RBMS2: variants seen among roughly 807,000 people sequenced by gnomAD.
RBMS2 encodes RNA binding motif single stranded interacting protein 2.
A neutral mutation model predicts 58.4 loss-of-function variants in RBMS2; 38 were observed. The ratio of observed to expected loss-of-function variants is 0.65; its 90% confidence interval spans 0.50 to 0.85. The LOEUF (loss-of-function observed/expected upper bound fraction) is 0.85. Ranked by LOEUF, RBMS2 falls within the 40% of genes least tolerant of loss-of-function variation. The pLI, the probability that RBMS2 is intolerant of heterozygous loss-of-function variation, is 0.00. For synonymous variants in RBMS2, 151 were observed against 180.7 expected (o/e 0.84, Z 1.32); for missense variants, 367 against 503.7 (o/e 0.73, Z 2.60).
rs1292055711 is a variant in RBMS2, at chr12:56,590,526, G to A, written c.*1393G>A. 2.6e-5 allele frequency: 4 copies of A among 152,194 alleles called. No homozygotes were observed. Among genetic ancestry groups the A allele is most frequent in the African/African-American group, 9.7e-5 (4 of 41,402 alleles). The allele number at this position is 152,194 out of a possible 1,614,324, so 9.4% of individuals were successfully genotyped here. On this transcript the variant is annotated 3_prime_UTR_variant, in exon 14 of 14. Transcript: ENST00000262031. ...CAGGGGTCAATATTGCCAAGACTGG[G>A]AAACACTGATATAGACAGTGTTGTC...
At chr12:56,530,541 G>T (rs1015662206) in intron 1 of RBMS2, among the ~76,000 whole-genome samples, 1 of 150,914 alleles carries the variant, frequency 6.6e-6, no homozygotes, top group Non-Finnish European at 1.5e-5. Flanking sequence ...TTAAATTTTT[G>T]TACAGATGGG....
chr12:56,570,652 A>G (rs964896516), intron 4 of RBMS2, among the ~76,000 whole-genome samples: 3 of 152,108 alleles, frequency 2.0e-5, no homozygotes, highest in South Asian at 2.1e-4. Flanking sequence ...ATCTCGGCTC[A>G]CTGCAAGCTG....
chr12:56,522,156 T>G, intron 1 of RBMS2, 67 bp downstream of exon 1: 2 of 1,283,742 alleles, frequency 1.6e-6, no homozygotes, highest in South Asian at 2.5e-5. Flanking sequence ...TGCCCTTGGT[T>G]TTTACATTCT....
chr12:56,568,235 A>G (rs1469814177), intron 2 of RBMS2, among the ~76,000 whole-genome samples: 1 of 152,176 alleles, frequency 6.6e-6, no homozygotes. Flanking sequence ...AAAAATGTCT[A>G]TAGTTTTTTC....
intron 1 of RBMS2, among the ~76,000 whole-genome samples, chr12:56,539,089 T>C (rs1444934071): frequency 4.0e-5 from 6 of 151,546 alleles, no homozygotes; most frequent in Admixed American, 2.0e-4. Context: ...AATCTCGGCT[T>C]ACTGCAACCT....
intron 2 of RBMS2, among the ~76,000 whole-genome samples, chr12:56,566,408 C>CT (rs1565761905): frequency 6.6e-6 from 1 of 152,142 alleles, no homozygotes; most frequent in Non-Finnish European, 1.5e-5. Flanking sequence ...AATGTAGAGG[C>CT]TTTTTTCTAG....
intron 1 of RBMS2, among the ~76,000 whole-genome samples, chr12:56,558,568 C>T (rs1403852434): frequency 4.2e-4 from 32 of 76,224 alleles, no homozygotes; most frequent in South Asian, 1.9e-3. Flanking sequence ...TTCCTTCCTT[C>T]TTTCCTTCCT....
intron 4 of RBMS2, among the ~76,000 whole-genome samples, chr12:56,571,417 G>A (rs983700025): frequency 1.5e-4 from 23 of 152,156 alleles, no homozygotes; most frequent in Non-Finnish European, 5.9e-5. Flanking sequence ...GGGGAGAGCG[G>A]GAATGCTGCT....
chr12:56,550,265 C>T (rs1878010527), intron 1 of RBMS2, among the ~76,000 whole-genome samples: 1 of 152,164 alleles, frequency 6.6e-6, no homozygotes, highest in Admixed American at 6.5e-5. Flanking sequence ...TGCAGTGGCT[C>T]ATACCTGTAA....
chr12:56,587,984 AT>A (rs1320578564), intron 11 of RBMS2, among the ~76,000 whole-genome samples: 1 of 152,182 alleles, frequency 6.6e-6, no homozygotes, highest in African/African-American at 2.4e-5. Flanking sequence ...GAGGAAGCTC[AT>A]TAGGTTTCTT....
At chr12:56,523,417 C>A (rs535045547) in intron 1 of RBMS2, among the ~76,000 whole-genome samples, 1 of 152,274 alleles carries the variant, frequency 6.6e-6, no homozygotes, top group African/African-American at 2.4e-5. Context: ...CTATAGTAAC[C>A]TTTCTACTAT....
chr12:56,530,682 G>A (rs1873576504), intron 1 of RBMS2, among the ~76,000 whole-genome samples: 1 of 152,102 alleles, frequency 6.6e-6, no homozygotes, highest in South Asian at 2.1e-4. Flanking sequence ...TTAAAGATGG[G>A]AGATGTAGGA....
At chr12:56,557,348 C>T (rs540556695) in intron 1 of RBMS2, among the ~76,000 whole-genome samples, 9 of 152,122 alleles carry the variant, frequency 5.9e-5, no homozygotes, top group Admixed American at 5.2e-4. Flanking sequence ...ATTTCTCCCC[C>T]CTTGTATTCT....
chr12:56,524,580 T>C (rs994794983), intron 1 of RBMS2, among the ~76,000 whole-genome samples: 1 of 151,486 alleles, frequency 6.6e-6, no homozygotes, highest in Non-Finnish European at 1.5e-5. Flanking sequence ...ACCCGGACAA[T>C]TTTTTTGTGT....
chr12:56,567,394 A>T (rs1273250077), intron 2 of RBMS2, among the ~76,000 whole-genome samples: 2 of 151,000 alleles, frequency 1.3e-5, no homozygotes, highest in Admixed American at 6.6e-5. Flanking sequence ...TCAAAAAAAA[A>T]AAAAGAAGAG....
At chr12:56,589,086 TCAGA>T in intron 13 of RBMS2, 50 bp from the exon 14 acceptor site, 1 of 1,609,698 alleles carries the variant, frequency 6.2e-7, no homozygotes, top group South Asian at 1.1e-5. Context: ...CGGCCTGAAG[TCAGA>T]CAGGTTCTCA....
chr12:56,561,770 CT>C (rs1565757018), intron 1 of RBMS2, among the ~76,000 whole-genome samples: 33 of 129,832 alleles, frequency 2.5e-4, no homozygotes, highest in African/African-American at 9.8e-4. Flanking sequence ...CCCCCCCCTC[CT>C]TGGCCTCCCA....
At position 56,593,373 on chromosome 12, in the gene RBMS2, G is replaced by A. The variant is rs1885445764; in HGVS notation, c.*4240G>A. The A allele has an allele frequency of 6.6e-6, 1 of 151,596 alleles. No homozygotes were observed. The highest frequency in any genetic ancestry group is 2.4e-5 in the African/African-American group (1 of 41,248). The allele number at this position is 151,596 out of a possible 1,614,324, so 9.4% of individuals were successfully genotyped here. On this transcript the variant is annotated 3_prime_UTR_variant, in exon 14 of 14. Coordinates refer to ENST00000262031, the MANE Select transcript of RBMS2 (RefSeq NM_002898.4). ...GTTTTACCACGTTGGCCAGGCTAGT[G>A]TCCAACTCCTGACCTCCAAACAGCT...
chr12:56,581,480 G>C lies in RBMS2; in HGVS notation c.704G>C (p.Gly235Ala), dbSNP rs1883942716. 6.2e-7 allele frequency: 1 copy of C among 1,614,224 alleles called. No homozygotes were observed. The stretch of plus-strand genomic sequence containing the variant: ...AACCAAGGAAAATTTGTGCAAAATG[G>C]ACGGGCTTGGCCAAGGAATGCAGAC... The part of the protein sequence containing the change: ...RQNQGKFVQN[G>A]RAWPRNADMG... The change falls in exon 7 of 14, where the codon GGA becomes GCA. Residue 235 changes from glycine (G) to alanine (A), a missense_variant. Gly to Ala is a moderately conservative substitution (Grantham distance 60, BLOSUM62 0). Around this residue, in one of 3 missense-constraint regions of RBMS2, gnomAD observed 220 missense variants for 261.1 expected, o/e 0.84. Coordinates refer to ENST00000262031, the MANE Select transcript of RBMS2 (RefSeq NM_002898.4).
Sources: gnomAD v4.1 joint callset for allele counts (sites outside exome capture counted in the v4.1 genomes callset) on GRCh38, gnomAD v4.1.1 for gene constraint, gnomAD v4.1.1 regional missense constraint, MANE v1.5 for transcripts, NCBI Gene and HGNC (gene_info 2026-07-23, HGNC 2026-07-21) for gene names.